NECAB2: variants seen among roughly 807,000 people sequenced by gnomAD.
The protein encoded by NECAB2 is N-terminal EF-hand calcium binding protein 2, also known as N-terminal EF-hand calcium-binding protein 2.
Under a neutral mutation model 51.9 loss-of-function variants are expected in NECAB2, and 68 were observed. The ratio of observed to expected loss-of-function variants is 1.31; its 90% CI spans 1.08 to 1.60. NECAB2 has a LOEUF of 1.60. Ranked by LOEUF, NECAB2 falls within the 40% of genes most tolerant of loss-of-function variation. The pLI is 0.00. For missense variants in NECAB2, 854 were observed against 490.3 expected, an observed-to-expected ratio of 1.74 and a Z score of -7.00; for synonymous variants, 329 against 203.5, an observed-to-expected ratio of 1.62 and a Z score of -5.25.
At chr16:83,990,838 A>C (rs1303097084) in intron 6 of NECAB2, among the ~76,000 whole-genome samples, 2 of 152,108 alleles carry the variant, frequency 1.3e-5, no homozygotes, top group African/African-American at 4.8e-5. Context: ...ATTGAATGAG[A>C]TAGTAAATGC....
chr16:84,000,600 C>A, intron 10 of NECAB2, 124 bp from the exon 11 acceptor site: 1 of 706,758 alleles, frequency 1.4e-6, no homozygotes, highest in Non-Finnish European at 2.4e-6. Flanking sequence ...GAGGTCAAGA[C>A]AGGAAGAAAC....
chr16:83,997,220 T>C lies in NECAB2; in HGVS notation c.800T>C (p.Leu267Pro), dbSNP rs771400842. Residue 267 changes from leucine (L) to proline (P), a missense_variant, in exon 9 of 13, where the codon CTG becomes CCG. Leu to Pro is a moderately conservative substitution (Grantham distance 98, BLOSUM62 -3). Transcript: ENST00000305202. ...ELIGRLESKA[L>P]WFDLQQRLSD... ...CTGTGTGCTGGATTGTTTCAGGCAC[T>C]GTGGTTCGACCTGCAGCAGCGCCTG... 1.2e-6 allele frequency: 2 copies of C among 1,614,166 alleles called. No individual in the cohort carries two copies. The highest frequency in any genetic ancestry group is 3.3e-5 in the Admixed American group (2 of 60,018).
intron 8 of NECAB2, 38 bp from the exon 9 acceptor site, chr16:83,997,178 C>T (rs762107607): frequency 1.4e-5 from 22 of 1,613,546 alleles, no homozygotes; most frequent in Admixed American, 3.3e-5. Context: ...CGGAGTGGGG[C>T]TCTGGGTCTA....
At chr16:83,997,607 C>T (rs1220215182) in intron 9 of NECAB2, among the ~76,000 whole-genome samples, 1 of 150,932 alleles carries the variant, frequency 6.6e-6, no homozygotes, top group Non-Finnish European at 1.5e-5. Context: ...CCTGCCTCAG[C>T]CTCCTGAGTA....
At chr16:83,990,701 G>C in intron 6 of NECAB2, 71 bp downstream of exon 6, 1 of 1,576,224 alleles carries the variant, frequency 6.3e-7, no homozygotes, top group African/African-American at 1.3e-5. Flanking sequence ...CCTGCTGCTT[G>C]GTGGGGATGT....
intron 12 of NECAB2, 137 bp downstream of exon 12, chr16:84,002,053 C>T (rs942688755): frequency 2.7e-6 from 3 of 1,122,656 alleles, no homozygotes; most frequent in African/African-American, 1.6e-5. Context: ...CAATGCCAGG[C>T]TCAGAGCCAG....
At chr16:83,999,371 G>C (rs144784853) in intron 10 of NECAB2, among the ~76,000 whole-genome samples, 11 of 152,338 alleles carry the variant, frequency 7.2e-5, no homozygotes, top group Admixed American at 2.0e-4. Flanking sequence ...GCTCCAGGGT[G>C]AAGTAGGGCC....
intron 5 of NECAB2, among the ~76,000 whole-genome samples, chr16:83,987,866 T>C (rs67708337): frequency 0.15 from 23,199 of 152,198 alleles, 3,418 homozygotes; most frequent in African/African-American, 0.39. Context: ...TAGAGCAAAA[T>C]GGCTACATAA....
intron 5 of NECAB2, 102 bp downstream of exon 5, chr16:83,981,229 A>C: frequency 2.8e-6 from 3 of 1,053,916 alleles, no homozygotes; most frequent in Non-Finnish European, 2.9e-6. Context: ...GCCGCCAGGG[A>C]GGCCTATCTC....
At chr16:84,001,243 G>C (rs577755611) in intron 11 of NECAB2, among the ~76,000 whole-genome samples, 1 of 152,100 alleles carries the variant, frequency 6.6e-6, no homozygotes, top group African/African-American at 2.4e-5. Context: ...CAGCTCTGAT[G>C]GGCCTTAGGC....
At chr16:83,998,095 G>A (rs2084744805) in intron 9 of NECAB2, 110 bp from the exon 10 acceptor site, 1 of 920,318 alleles carries the variant, frequency 1.1e-6, no homozygotes, top group Non-Finnish European at 1.7e-6. Flanking sequence ...GAAAAGTGGG[G>A]GAGGGTTATT....
intron 1 of NECAB2, 170 bp from the exon 2 acceptor site, chr16:83,971,981 A>AG: frequency 1.2e-6 from 1 of 831,232 alleles, no homozygotes; most frequent in Non-Finnish European, 1.9e-6. Context: ...ATCCCTCATC[A>AG]GTTCCCCCTG....
upstream of NECAB2, chr16:83,965,496 A>G (rs759754041): frequency 1.4e-5 from 22 of 1,611,320 alleles, no homozygotes; most frequent in South Asian, 1.6e-4. Flanking sequence ...CGCCACTACA[A>G]CATCCCGGTG....
intron 1 of NECAB2, chr16:83,971,913 G>A (rs2084351595): frequency 1.7e-6 from 1 of 603,086 alleles, no homozygotes; most frequent in Non-Finnish European, 2.9e-6. Context: ...GCTGGGAGCA[G>A]GCTGGTGGTA....
intron 5 of NECAB2, among the ~76,000 whole-genome samples, chr16:83,983,042 T>C (rs574174661): frequency 5.3e-5 from 8 of 152,122 alleles, no homozygotes; most frequent in East Asian, 1.9e-4. Context: ...GTAATTTTTG[T>C]AGTTTTAGTA....
At chr16:84,000,642 T>C (rs1401313508) in intron 10 of NECAB2, 82 bp from the exon 11 acceptor site, 1 of 1,195,096 alleles carries the variant, frequency 8.4e-7, no homozygotes, top group East Asian at 2.4e-5. Flanking sequence ...TAGTGGTGGG[T>C]CTCAGGCCAC....
rs761798844 is a variant in NECAB2 at position 83,990,579 on chromosome 16, G to A, written c.545G>A (p.Ser182Asn). 6.2e-7 allele frequency: 1 copy of A among 1,614,068 alleles called. No homozygotes were observed. Among genetic ancestry groups the A allele is most frequent in the South Asian group, 1.1e-5 (1 of 91,092 alleles). Residue 182 changes from serine (S) to asparagine (N), a missense_variant, in exon 6 of 13, where the codon AGC (serine) becomes AAC (asparagine). Coordinates refer to ENST00000305202, the MANE Select transcript of NECAB2 (RefSeq NM_019065.3). ...ETANQIQSLL[S>N]SVESAVEAIE... ...GCCAATCAGATCCAGTCGCTGCTGAGCTCAGTGGAGAGTGCGGTGGAGGCC... is the reference window on the plus strand; with the variant it reads ...GCCAATCAGATCCAGTCGCTGCTGAACTCAGTGGAGAGTGCGGTGGAGGCC...
chr16:83,977,655 C>G (rs1387595897), intron 2 of NECAB2, among the ~76,000 whole-genome samples: 3 of 152,094 alleles, frequency 2.0e-5, no homozygotes, highest in Admixed American at 6.5e-5. Flanking sequence ...AGAGCGTTGG[C>G]ACCTCCAGGC....
intron 11 of NECAB2, 29 bp downstream of exon 11, chr16:84,000,830 AGGGAGACAGAGGGAAGTG>A (rs750986117): frequency 3.6e-6 from 5 of 1,400,684 alleles, no homozygotes; most frequent in African/African-American, 1.5e-5. Flanking sequence ...ACAGCAGGTG[AGGGAGACAGAGGGAAGTG>A]GGGGGGCTGT....
Sources: gnomAD v4.1 joint callset for allele counts (sites outside exome capture counted in the v4.1 genomes callset) on GRCh38, gnomAD v4.1.1 for gene constraint, MANE v1.5 for transcripts, NCBI Gene and HGNC (gene_info 2026-07-23, HGNC 2026-07-21) for gene names.